Variants in SHANK2 observed in about 807,000 individuals in gnomAD.
SHANK2 encodes the protein SH3 and multiple ankyrin repeat domains 2.
Under a neutral mutation model 133.7 loss-of-function variants are expected in SHANK2, and 43 were observed. That is an observed-to-expected ratio of 0.32 (90% CI 0.25 to 0.41). The LOEUF (loss-of-function observed/expected upper bound fraction) is 0.41, where lower values mean the gene tolerates loss of function less well. Ranked by LOEUF, SHANK2 falls within the 10% of genes least tolerant of loss-of-function variation. SHANK2 has a pLI of 1.00. For missense variants in SHANK2, 1,994 were observed against 2,235.8 expected (o/e 0.89, Z 2.18); for synonymous variants, 1,017 against 952.8 (o/e 1.07, Z -1.24).
intron 17 of SHANK2, among the ~76,000 whole-genome samples, chr11:70,505,967 C>T (rs1385453254): frequency 6.6e-6 from 1 of 152,182 alleles, no homozygotes; most frequent in African/African-American, 2.4e-5. Context: ...GGCCCTTGGC[C>T]GCTTTGGGAG....
intron 9 of SHANK2, among the ~76,000 whole-genome samples, chr11:71,071,219 T>G (rs1951137294): frequency 6.6e-6 from 1 of 152,244 alleles, no homozygotes; most frequent in Non-Finnish European, 1.5e-5. Context: ...CCAAGCCTCA[T>G]GATGTGTTTT....
rs543757498 is a variant in SHANK2 at position 70,535,469 on chromosome 11, T to C, written c.2062-32538A>G. Among the ~76,000 whole-genome samples, 1 of 151,264 alleles carries C rather than the reference T, an allele frequency of 6.6e-6. No homozygotes were observed. The highest frequency in any genetic ancestry group is 1.9e-4 in the East Asian group (1 of 5,166). On this transcript the variant is annotated intron_variant, in intron 17 of 25. Coordinates refer to ENST00000601538, the MANE Select transcript of SHANK2 (RefSeq NM_012309.5). This position sits in a 1 kb window ranked among gnomAD's most constrained non-coding sequence, Gnocchi z 4.3. ...ATCAGTCCAACCATCAGTCCGTCCGTCCATCCATCCATCCATCCATCCATC... is the reference window on the plus strand; with the variant it reads ...ATCAGTCCAACCATCAGTCCGTCCGCCCATCCATCCATCCATCCATCCATC...
chr11:71,209,697 G>A (rs569967855), intron 2 of SHANK2, among the ~76,000 whole-genome samples: 9 of 152,322 alleles, frequency 5.9e-5, no homozygotes, highest in East Asian at 1.9e-4. Context: ...GCTCCTGCAG[G>A]AGACCCTCCA....
At chr11:70,729,778 C>A (rs1417044920) in intron 14 of SHANK2, among the ~76,000 whole-genome samples, 1 of 151,716 alleles carries the variant, frequency 6.6e-6, no homozygotes, top group Middle Eastern at 3.4e-3. Flanking sequence ...CATGATCTGC[C>A]TGCCTCAGCC....
Position 70,490,374 on chromosome 11 carries a change from C to A in SHANK2, c.2453G>T (p.Arg818Leu). ...GGGCGTCATCACGGCGATTCCTTGGCGTTCGTACACAGACTGCAAACCAGA... is the reference window on the plus strand; with the variant it reads ...GGGCGTCATCACGGCGATTCCTTGGAGTTCGTACACAGACTGCAAACCAGA... ...AGSDMNSVYE[R>L]QGIAVMTPTV... The change falls in exon 23 of 26, where the codon CGC (arginine) becomes CTC (leucine). Residue 818 changes from arginine to leucine, a missense_variant. Arg to Leu is a moderately radical substitution (Grantham distance 102). This residue lies in a region of SHANK2 where 488 missense variants were observed against 642.6 expected (regional missense o/e 0.76). Coordinates refer to ENST00000601538, the MANE Select transcript of SHANK2 (RefSeq NM_012309.5). 1 of 1,614,112 alleles carries A rather than the reference C, an allele frequency of 6.2e-7. No individual in the cohort carries two copies. The highest frequency in any genetic ancestry group is 8.5e-7 in the Non-Finnish European group (1 of 1,179,964).
At chr11:70,767,752 A>T (rs1555041734) in intron 14 of SHANK2, among the ~76,000 whole-genome samples, 2 of 151,466 alleles carry the variant, frequency 1.3e-5, no homozygotes, top group Non-Finnish European at 1.5e-5. Flanking sequence ...GGGGTGATGG[A>T]AATGTCCTCA....
At chr11:71,078,172 T>TA (rs1269738710) in intron 8 of SHANK2, among the ~76,000 whole-genome samples, 61,144 of 141,968 alleles carry the variant, frequency 0.43, 13,318 homozygotes, top group Middle Eastern at 0.54. Flanking sequence ...AAGGAAATGG[T>TA]AAAAAAAAAA....
chr11:70,824,787 G>T (rs1333839268), intron 11 of SHANK2, among the ~76,000 whole-genome samples: 2 of 152,236 alleles, frequency 1.3e-5, no homozygotes, highest in African/African-American at 4.8e-5. Context: ...GGTGATCCGG[G>T]AACTGCCTGT....
At chr11:70,829,985 G>T (rs1279387388) in intron 11 of SHANK2, among the ~76,000 whole-genome samples, 2 of 152,150 alleles carry the variant, frequency 1.3e-5, no homozygotes, top group Non-Finnish European at 2.9e-5. Flanking sequence ...TTTGCACAGG[G>T]GTTCTCACTG....
chr11:70,626,103 C>A (rs371746172), intron 17 of SHANK2, among the ~76,000 whole-genome samples: 19 of 152,292 alleles, frequency 1.2e-4, no homozygotes, highest in African/African-American at 4.3e-4. Flanking sequence ...CCCGCACACA[C>A]GGTTGCTAAG....
chr11:70,517,705 G>C (rs1403769859), intron 17 of SHANK2, among the ~76,000 whole-genome samples: 7 of 152,212 alleles, frequency 4.6e-5, no homozygotes, highest in African/African-American at 1.7e-4. Context: ...AAGGGCTCAG[G>C]GGGAGGGAAG....
intron 2 of SHANK2, among the ~76,000 whole-genome samples, chr11:71,211,192 CT>C (rs34505384): frequency 0.18 from 18,777 of 101,982 alleles, 755 homozygotes; most frequent in Non-Finnish European, 0.23. Context: ...GGTCAATTTC[CT>C]TTTTTTTTTT....
chr11:71,075,495 T>C (rs1297736491), intron 8 of SHANK2, among the ~76,000 whole-genome samples: 1 of 152,146 alleles, frequency 6.6e-6, no homozygotes, highest in Non-Finnish European at 1.5e-5. Flanking sequence ...AAGACCTTCA[T>C]GGTGGGATTG....
chr11:70,635,680 TAAA>T (rs375803999), intron 17 of SHANK2, among the ~76,000 whole-genome samples: 1 of 151,992 alleles, frequency 6.6e-6, no homozygotes, highest in African/African-American at 2.4e-5. Flanking sequence ...AATGTATACT[TAAA>T]AATGGTTAAG....
chr11:70,646,987 G>A (rs899147284), intron 17 of SHANK2, among the ~76,000 whole-genome samples: 6 of 151,760 alleles, frequency 4.0e-5, no homozygotes, highest in East Asian at 1.9e-4. Flanking sequence ...TCAGCCTCCC[G>A]AGTAGCTGGT....
intron 10 of SHANK2, among the ~76,000 whole-genome samples, chr11:70,940,414 T>A (rs1371421771): frequency 6.6e-6 from 1 of 151,564 alleles, no homozygotes; most frequent in Non-Finnish European, 1.5e-5. Flanking sequence ...GCCCAGCTAA[T>A]TAGCTAATTT....
intron 17 of SHANK2, among the ~76,000 whole-genome samples, chr11:70,646,618 C>T (rs1052488380): frequency 1.3e-5 from 2 of 152,322 alleles, no homozygotes; most frequent in South Asian, 4.1e-4. Context: ...TCACCAACCA[C>T]TAGGCTCCAG....
At chr11:70,858,967 TTGCCC>T (rs1414462832) in intron 11 of SHANK2, among the ~76,000 whole-genome samples, 118 of 152,374 alleles carry the variant, frequency 7.7e-4, no homozygotes, top group African/African-American at 2.7e-3. Context: ...GCAGTCCACC[TTGCCC>T]TGAGTCTCAT....
intron 3 of SHANK2, among the ~76,000 whole-genome samples, chr11:71,146,333 C>T (rs1416099447): frequency 6.6e-6 from 1 of 152,010 alleles, no homozygotes; most frequent in Admixed American, 6.6e-5. Flanking sequence ...CGAAGCTCCC[C>T]TTTACAGACA....
Sources: allele counts gnomAD v4.1 joint callset (sites outside exome capture counted in the v4.1 genomes callset), GRCh38; gene constraint gnomAD v4.1.1; regional missense constraint gnomAD v4.1.1; non-coding constraint Gnocchi (gnomAD v3.1); transcripts MANE v1.5; gene names NCBI Gene and HGNC (gene_info 2026-07-23, HGNC 2026-07-21).